The following CCDC81 variants were observed in gnomAD, a reference collection of about 807,000 sequenced individuals.
The protein encoded by CCDC81 is coiled-coil domain-containing protein 81.
In CCDC81, 79 loss-of-function variants were observed where a neutral mutation model predicts 83.7. The ratio of observed to expected loss-of-function variants is 0.94; its 90% confidence interval spans 0.79 to 1.14. CCDC81 has a LOEUF of 1.14. Among genes scored for constraint, CCDC81 ranks in the 50% most tolerant of loss-of-function variants. The pLI is 0.00. For missense variants in CCDC81, 791 were observed against 778.1 expected, an observed-to-expected ratio of 1.02 and a Z score of -0.20; for synonymous variants, 252 against 278.1, an observed-to-expected ratio of 0.91 and a Z score of 0.93.
chr11:86,407,602 T>C lies in CCDC81; in HGVS notation c.882-12T>C. The C allele has an allele frequency of 1.9e-6, 3 of 1,581,758 alleles. No individual in the cohort carries two copies. Among genetic ancestry groups the C allele is most frequent in the Non-Finnish European group, 2.6e-6 (3 of 1,152,246 alleles). On this transcript the variant is annotated splice_polypyrimidine_tract_variant and intron_variant, in intron 7 of 14. Coordinates refer to ENST00000445632, the MANE Select transcript of CCDC81 (RefSeq NM_001156474.2). ...GTATTAAACATTAATTAATGTTGCATTGTTTTTATAGCTTATCATATCCAA... is the reference window on the plus strand; with the variant it reads ...GTATTAAACATTAATTAATGTTGCACTGTTTTTATAGCTTATCATATCCAA...
Position 86,397,747 on chromosome 11 carries a change from G to A in CCDC81, c.757+5G>A. Reference sequence around the variant, plus strand: ...ACAAAGAAGAAGGCACCAGAGGTAGGCCAATGATTTCTGGGTCCAATCTGT... The same window carrying A: ...ACAAAGAAGAAGGCACCAGAGGTAGACCAATGATTTCTGGGTCCAATCTGT... On this transcript the variant is annotated splice_donor_5th_base_variant and intron_variant, in intron 6 of 14. Coordinates refer to ENST00000445632, the MANE Select transcript of CCDC81 (RefSeq NM_001156474.2). 1 of 1,610,854 alleles carries A rather than the reference G, an allele frequency of 6.2e-7. No homozygotes were observed. Among genetic ancestry groups the A allele is most frequent in the Non-Finnish European group, 8.5e-7 (1 of 1,178,662 alleles).
intron 9 of CCDC81, 84 bp downstream of exon 9, chr11:86,408,354 G>A (rs4412777): frequency 0.78 from 1,019,207 of 1,308,496 alleles, 397,462 homozygotes; most frequent in South Asian, 0.86. Context: ...TTTTATTGGC[G>A]CAGGGTCTCA....
At chr11:86,403,139 C>A (rs1170390827) in intron 7 of CCDC81, among the ~76,000 whole-genome samples, 2 of 150,718 alleles carry the variant, frequency 1.3e-5, no homozygotes, top group Non-Finnish European at 2.9e-5. Context: ...CAGGCATGAG[C>A]CACCACACCT....
At chr11:86,419,849 A>G in intron 13 of CCDC81, 79 bp from the exon 14 acceptor site, 1 of 1,472,662 alleles carries the variant, frequency 6.8e-7, no homozygotes, top group Non-Finnish European at 9.0e-7. Context: ...TTTTTGTTTA[A>G]CATAAAAGGA....
intron 1 of CCDC81, among the ~76,000 whole-genome samples, chr11:86,380,530 C>G (rs1169513303): frequency 6.6e-6 from 1 of 152,124 alleles, no homozygotes; most frequent in Admixed American, 6.5e-5. Flanking sequence ...TTGTTTCAAG[C>G]ATTTCCTCTA....
Position 86,419,642 on chromosome 11 carries a change from GC to G in CCDC81, c.1692-284del, listed in dbSNP as rs532156935. ...ATGATTCTTCAGATAAGTTAAATTA[GC>G]CTCAAAGGAAATTAATGGTTTTACA... is the stretch of plus-strand genomic sequence containing the variant. On this transcript the variant is annotated intron_variant, in intron 13 of 14. Coordinates refer to ENST00000445632, the MANE Select transcript of CCDC81 (RefSeq NM_001156474.2). The G allele has an allele frequency of 1.7e-3, 386 of 225,022 alleles. 2 individuals are homozygous for G. The highest frequency in any genetic ancestry group is 8.5e-3 in the African/African-American group (377 of 44,158). The allele number at this position is 225,022 out of a possible 1,614,324, so 13.9% of individuals were successfully genotyped here. A position where few individuals can be genotyped will look rare whatever the true frequency, so the allele number is the denominator to read the frequency against.
chr11:86,406,751 G>C (rs1948571631), intron 7 of CCDC81, among the ~76,000 whole-genome samples: 1 of 152,188 alleles, frequency 6.6e-6, no homozygotes, highest in Admixed American at 6.5e-5. Flanking sequence ...GTTGCAGTGA[G>C]CTGAGATTGC....
At chr11:86,375,541 G>A (rs191257648) in intron 1 of CCDC81, among the ~76,000 whole-genome samples, 93 of 152,230 alleles carry the variant, frequency 6.1e-4, no homozygotes, top group Admixed American at 1.7e-3. Flanking sequence ...CACACCACTC[G>A]CTGGGATGGA....
At chr11:86,414,542 A>G (rs1432347473) in intron 11 of CCDC81, 10 of 392,014 alleles carry the variant, frequency 2.6e-5, no homozygotes, top group Admixed American at 1.7e-4. Context: ...CCTGACCTCA[A>G]GTGATCTGCC....
At position 86,392,604 on chromosome 11, in the gene CCDC81, A is replaced by G. The variant is rs982295758; in HGVS notation, c.362A>G (p.Asp121Gly). 3.2e-6 allele frequency: 5 copies of G among 1,551,620 alleles called. No individual in the cohort carries two copies. The Admixed American group carries it at 7.8e-5, about 24-fold the overall frequency. Residue 121 changes from aspartate to glycine, a missense_variant, in exon 4 of 15, where the codon GAT becomes GGT. Coordinates refer to ENST00000445632, the MANE Select transcript of CCDC81 (RefSeq NM_001156474.2). The part of the protein sequence containing the change: ...MISLEGPFNR[D>G]VVEGCVKETL... ...TCCCTGGAGGGTCCATTTAACAGAG[A>G]TGTAGTGGAAGGATGTGTGAAGGAG...
chr11:86,410,381 A>C (rs1482140710), intron 10 of CCDC81, among the ~76,000 whole-genome samples: 1 of 152,158 alleles, frequency 6.6e-6, no homozygotes, highest in East Asian at 1.9e-4. Context: ...AGAGACAGAC[A>C]CTTAAAGAGA....
intron 3 of CCDC81, 36 bp downstream of exon 3, chr11:86,387,708 GT>G: frequency 1.4e-6 from 2 of 1,459,764 alleles, no homozygotes; most frequent in Non-Finnish European, 1.9e-6. Context: ...TTCCCAGAAG[GT>G]TACTGTCCTG....
Position 86,408,274 on chromosome 11 carries a change from G to C in CCDC81, c.1113+4G>C. On this transcript the variant is annotated splice_donor_region_variant and intron_variant, in intron 9 of 14. Transcript: ENST00000445632. ...GGAGGCTCTCTTCAGACACCAGGTAGTCCAACACCTCGATTAGTCTTTAAT... is the reference window on the plus strand; with the variant it reads ...GGAGGCTCTCTTCAGACACCAGGTACTCCAACACCTCGATTAGTCTTTAAT... 1 of 1,606,120 alleles carries C rather than the reference G, an allele frequency of 6.2e-7. No homozygotes were observed. Among genetic ancestry groups the C allele is most frequent in the South Asian group, 1.1e-5 (1 of 89,012 alleles).
chr11:86,397,472 T>C (rs535665698), intron 5 of CCDC81, 149 bp from the exon 6 acceptor site: 22 of 817,692 alleles, frequency 2.7e-5, no homozygotes, highest in Admixed American at 6.0e-5. Context: ...CTATGATATG[T>C]ACTTAGCACA....
At position 86,415,280 on chromosome 11, in the gene CCDC81, G is replaced by A. The variant is rs772004217; in HGVS notation, c.1658G>A (p.Arg553Gln). Reference sequence around the variant, plus strand: ...CTGCATCAACTAGTGGACCAGAGGCGGGATTTGCAAATGCTTCAGAGGACA... The same window carrying A: ...CTGCATCAACTAGTGGACCAGAGGCAGGATTTGCAAATGCTTCAGAGGACA... ...AILHQLVDQR[R>Q]DLQMLQRTQR... Residue 553 changes from arginine (R) to glutamine (Q), a missense_variant, in exon 13 of 15, where the codon CGG (arginine) becomes CAG (glutamine). Transcript: ENST00000445632. The A allele has an allele frequency of 1.4e-5, 23 of 1,614,022 alleles. No homozygotes were observed. In the East Asian group the frequency reaches 1.6e-4, roughly 11 times the overall value.
At position 86,397,476 on chromosome 11, in the gene CCDC81, T is replaced by C. The variant is rs185676202; in HGVS notation, c.636-145T>C. ...AGAAAATTAATCTATGATATGTACTTAGCACATCAGAGCACTCACCCCTTG... is the reference window on the plus strand; with the variant it reads ...AGAAAATTAATCTATGATATGTACTCAGCACATCAGAGCACTCACCCCTTG... On this transcript the variant is annotated intron_variant, in intron 5 of 14. Coordinates refer to ENST00000445632, the MANE Select transcript of CCDC81 (RefSeq NM_001156474.2). 2.8e-4 allele frequency: 240 copies of C among 870,706 alleles called. No individual in the cohort carries two copies. The East Asian group carries it at 5.8e-3, about 21-fold the overall frequency. The allele number at this position is 870,706 out of a possible 1,614,324, so 53.9% of individuals were successfully genotyped here. A position where few individuals can be genotyped will look rare whatever the true frequency, so the allele number is the denominator to read the frequency against.
chr11:86,393,640 G>A (rs1450178168), intron 4 of CCDC81, among the ~76,000 whole-genome samples: 2 of 152,122 alleles, frequency 1.3e-5, no homozygotes, highest in African/African-American at 4.8e-5. Flanking sequence ...TGGAGTTTTT[G>A]AATCTTTAGC....
intron 4 of CCDC81, chr11:86,395,044 T>C (rs1948384937): frequency 4.5e-6 from 1 of 222,160 alleles, no homozygotes; most frequent in South Asian, 1.3e-4. Flanking sequence ...GTCTGCTATC[T>C]TCTTAAAGAC....
At chr11:86,394,131 A>G (rs1227008242) in intron 4 of CCDC81, among the ~76,000 whole-genome samples, 4 of 152,224 alleles carry the variant, frequency 2.6e-5, no homozygotes, top group African/African-American at 7.2e-5. Context: ...ACAAGGCAAG[A>G]TTTGCAAGTC....
Sources: allele counts gnomAD v4.1 joint callset (sites outside exome capture counted in the v4.1 genomes callset), GRCh38; gene constraint gnomAD v4.1.1; transcripts MANE v1.5; gene names NCBI Gene and HGNC (gene_info 2026-07-23, HGNC 2026-07-21).